Variants in ZNF385D observed in about 807,000 individuals in gnomAD.
ZNF385D encodes zinc finger protein 659.
A neutral mutation model predicts 35.8 loss-of-function variants in ZNF385D; 15 were observed. That is an observed-to-expected ratio of 0.42 (90% CI 0.28 to 0.64). ZNF385D has a LOEUF of 0.64. Among genes scored for constraint, ZNF385D ranks in the 30% least tolerant of loss-of-function variants. The probability of loss-of-function intolerance (pLI) is 0.23; values close to 1 mark genes in which losing one functional copy is unlikely to be tolerated. For missense variants in ZNF385D, 474 were observed against 494.6 expected, an observed-to-expected ratio of 0.96 and a Z score of 0.39; for synonymous variants, 212 against 186.8, an observed-to-expected ratio of 1.13 and a Z score of -1.10.
intron 2 of ZNF385D, among the ~76,000 whole-genome samples, chr3:22,206,871 A>G (rs1559452218): frequency 6.6e-6 from 1 of 151,874 alleles, no homozygotes. Flanking sequence ...ACAAGAAAAG[A>G]GCAAACCAAA....
At chr3:21,565,642 A>G (rs999647844) in intron 2 of ZNF385D, among the ~76,000 whole-genome samples, 1 of 152,164 alleles carries the variant, frequency 6.6e-6, no homozygotes, top group Non-Finnish European at 1.5e-5. Context: ...TACTTAGGAT[A>G]GTCAGTCTGG....
chr3:21,517,321 C>G (rs1395602922), intron 3 of ZNF385D, among the ~76,000 whole-genome samples: 1 of 151,946 alleles, frequency 6.6e-6, no homozygotes, highest in Non-Finnish European at 1.5e-5. Flanking sequence ...CATGAACACA[C>G]CTGTGAAGGG....
intron 3 of ZNF385D, among the ~76,000 whole-genome samples, chr3:21,857,619 G>A (rs2125822972): frequency 6.6e-6 from 1 of 152,002 alleles, no homozygotes; most frequent in African/African-American, 2.4e-5. Flanking sequence ...TAATGGAGGA[G>A]GAGTTGCAGC....
intron 3 of ZNF385D, among the ~76,000 whole-genome samples, chr3:22,154,353 T>C (rs1705447885): frequency 1.3e-5 from 2 of 152,274 alleles, no homozygotes; most frequent in South Asian, 2.1e-4. Flanking sequence ...AACCCATGTC[T>C]AGAAGGTGGG....
chr3:21,765,656 G>C (rs1379822879), intron 3 of ZNF385D, among the ~76,000 whole-genome samples: 3 of 144,526 alleles, frequency 2.1e-5, no homozygotes, highest in African/African-American at 8.5e-5. Context: ...AAAAAAAATA[G>C]AAAGAGGAAG....
At chr3:21,767,917 TG>T (rs2070903078) in intron 3 of ZNF385D, among the ~76,000 whole-genome samples, 1 of 152,146 alleles carries the variant, frequency 6.6e-6, no homozygotes, top group Non-Finnish European at 1.5e-5. Context: ...ATCCAAATGA[TG>T]TATCCTTTAT....
At chr3:21,974,815 G>C (rs1559807597) in intron 3 of ZNF385D, among the ~76,000 whole-genome samples, 1 of 152,048 alleles carries the variant, frequency 6.6e-6, no homozygotes, top group Non-Finnish European at 1.5e-5. Flanking sequence ...GGATATAAAA[G>C]TGTGCACAAC....
chr3:22,059,042 T>C (rs891860484), intron 3 of ZNF385D, among the ~76,000 whole-genome samples: 3 of 152,134 alleles, frequency 2.0e-5, no homozygotes, highest in African/African-American at 7.2e-5. Flanking sequence ...GAAAAGGACA[T>C]TGGTAGGACA....
At position 22,226,072 on chromosome 3, in the gene ZNF385D, A is replaced by G. The variant is rs1698534922; in HGVS notation, c.107-57037T>C. On this transcript the variant is annotated intron_variant, in intron 2 of 5. Coordinates refer to the ZNF385D transcript ENST00000494108. ...CCTTCACTGTAGGACTCAACATGAAAAGAAACTATATGTGGAAAAGAATCT... is the reference window on the plus strand; with the variant it reads ...CCTTCACTGTAGGACTCAACATGAAGAGAAACTATATGTGGAAAAGAATCT... 2.0e-5 allele frequency among the ~76,000 whole-genome samples: 3 copies of G among 152,176 alleles called. No individual in the cohort carries two copies. The South Asian group carries it at 6.2e-4, about 32-fold the overall frequency.
chr3:22,003,006 A>G (rs1209120208), intron 3 of ZNF385D, among the ~76,000 whole-genome samples: 1 of 152,192 alleles, frequency 6.6e-6, no homozygotes, highest in Non-Finnish European at 1.5e-5. Flanking sequence ...TTTCTCTAAG[A>G]ACTAGAATAA....
At chr3:22,165,454 G>A (rs1012195816) in intron 3 of ZNF385D, among the ~76,000 whole-genome samples, 1 of 152,178 alleles carries the variant, frequency 6.6e-6, no homozygotes, top group Admixed American at 6.6e-5. Flanking sequence ...TGGCCTGGCA[G>A]GGGGCTGGAT....
At chr3:21,812,383 G>A (rs1172157504) in intron 3 of ZNF385D, among the ~76,000 whole-genome samples, 2 of 152,256 alleles carry the variant, frequency 1.3e-5, no homozygotes, top group African/African-American at 4.8e-5. Context: ...AGTGTGAGCT[G>A]AAGCAGGGCG....
intron 2 of ZNF385D, among the ~76,000 whole-genome samples, chr3:21,596,537 A>G (rs2064132463): frequency 6.6e-6 from 1 of 152,058 alleles, no homozygotes; most frequent in Admixed American, 6.6e-5. Flanking sequence ...ATTTTTTTAG[A>G]GACCGTCTCT....
intron 1 of ZNF385D, among the ~76,000 whole-genome samples, chr3:21,672,640 G>T (rs1168638140): frequency 6.6e-6 from 1 of 152,150 alleles, no homozygotes; most frequent in Non-Finnish European, 1.5e-5. Flanking sequence ...AGTGATCTGG[G>T]TTTCCCCTTG....
intron 2 of ZNF385D, among the ~76,000 whole-genome samples, chr3:22,348,621 C>T (rs1424520889): frequency 1.4e-5 from 2 of 147,100 alleles, no homozygotes; most frequent in Non-Finnish European, 3.0e-5. Context: ...GCCGAGATCA[C>T]GCCATTGCAC....
intron 3 of ZNF385D, among the ~76,000 whole-genome samples, chr3:21,522,586 C>A (rs554224347): frequency 6.6e-6 from 1 of 152,244 alleles, no homozygotes; most frequent in East Asian, 1.9e-4. Flanking sequence ...GATCTGCCTG[C>A]CTCAGCCTCC....
intron 5 of ZNF385D, among the ~76,000 whole-genome samples, chr3:21,429,208 T>A (rs913344226): frequency 2.2e-4 from 34 of 151,908 alleles, no homozygotes; most frequent in African/African-American, 7.2e-4. Flanking sequence ...TTAAAAAAAA[T>A]TTTAAGGAAA....
At chr3:22,029,261 C>G (rs1001276793) in intron 3 of ZNF385D, among the ~76,000 whole-genome samples, 12 of 152,156 alleles carry the variant, frequency 7.9e-5, no homozygotes, top group African/African-American at 2.9e-4. Context: ...TGAAATTAAT[C>G]TATTACTCCA....
At chr3:22,333,041 A>T (rs1345421575) in intron 2 of ZNF385D, among the ~76,000 whole-genome samples, 1 of 151,712 alleles carries the variant, frequency 6.6e-6, no homozygotes, top group African/African-American at 2.4e-5. Context: ...GAATGTCTTT[A>T]TTTTACCTTA....
Sources: gnomAD v4.1 joint callset for allele counts (sites outside exome capture counted in the v4.1 genomes callset) on GRCh38, gnomAD v4.1.1 for gene constraint, MANE v1.5 for transcripts, NCBI Gene and HGNC (gene_info 2026-07-23, HGNC 2026-07-21) for gene names.